The following SDCCAG8 variants were observed in gnomAD, a reference collection of about 807,000 sequenced individuals.
SDCCAG8 encodes SHH signaling and ciliogenesis regulator SDCCAG8.
Under a neutral mutation model 101.8 loss-of-function variants are expected in SDCCAG8, and 74 were observed. The ratio of observed to expected loss-of-function variants is 0.73; its 90% CI spans 0.60 to 0.88. SDCCAG8 has a LOEUF of 0.88. SDCCAG8 is among the 40% of genes least tolerant of loss of function. The pLI is 0.00. For missense variants in SDCCAG8, 787 were observed against 822.6 expected (o/e 0.96, Z 0.53); for synonymous variants, 281 against 292.9 (o/e 0.96, Z 0.41).
intron 1 of SDCCAG8, among the ~76,000 whole-genome samples, chr1:243,256,567 A>G (rs1275571562): frequency 1.3e-5 from 2 of 152,236 alleles, no homozygotes; most frequent in Non-Finnish European, 2.9e-5. Context: ...TTAATCCAAT[A>G]AAAGTCTGAT....
chr1:243,335,361 G>A (rs1044630246), intron 10 of SDCCAG8, among the ~76,000 whole-genome samples: 11 of 152,174 alleles, frequency 7.2e-5, no homozygotes, highest in Non-Finnish European at 1.6e-4. Flanking sequence ...AGAGAGAATG[G>A]TATCAATAGC....
intron 16 of SDCCAG8, among the ~76,000 whole-genome samples, chr1:243,427,039 CA>C (rs2081387158): frequency 6.6e-6 from 1 of 152,194 alleles, no homozygotes; most frequent in African/African-American, 2.4e-5. Context: ...TTACTTTGAG[CA>C]AGTCACTTAA....
At chr1:243,266,949 A>C (rs981462167) in intron 1 of SDCCAG8, among the ~76,000 whole-genome samples, 22 of 149,520 alleles carry the variant, frequency 1.5e-4, no homozygotes, top group African/African-American at 5.4e-4. Flanking sequence ...GTCTCAAAAA[A>C]AAAAAAAAAA....
chr1:243,345,498 C>G (rs1446225146), intron 12 of SDCCAG8, among the ~76,000 whole-genome samples: 2 of 152,138 alleles, frequency 1.3e-5, no homozygotes, highest in Admixed American at 1.3e-4. Flanking sequence ...ATGGAAAATG[C>G]TTTCTGTCAG....
At chr1:243,391,040 A>G (rs989528533) in intron 13 of SDCCAG8, among the ~76,000 whole-genome samples, 1 of 151,924 alleles carries the variant, frequency 6.6e-6, no homozygotes, top group African/African-American at 2.4e-5. Context: ...CTCAAGCGGA[A>G]CTCCCTCCTG....
At chr1:243,419,739 T>C (rs990749597) in intron 15 of SDCCAG8, among the ~76,000 whole-genome samples, 1 of 152,230 alleles carries the variant, frequency 6.6e-6, no homozygotes, top group Non-Finnish European at 1.5e-5. Flanking sequence ...GTATTTTACA[T>C]CTATTGCTAA....
Position 243,422,204 on chromosome 1 carries a change from C to T in SDCCAG8, c.1853+4128C>T, listed in dbSNP as rs1407296632. On this transcript the variant is annotated intron_variant, in intron 15 of 17. Transcript: ENST00000366541. ...GCTTGTGGACTGATGTCTAACACTG[C>T]CCATTGTGTATTTGTGATTTGCGTT... Among the ~76,000 whole-genome samples the T allele has an allele frequency of 1.3e-5, 2 of 152,274 alleles. 1 individual carries two copies. Among genetic ancestry groups the T allele is most frequent in the African/African-American group, 4.8e-5 (2 of 41,558 alleles).
intron 12 of SDCCAG8, among the ~76,000 whole-genome samples, chr1:243,372,690 G>GC (rs1558372583): frequency 1.3e-5 from 2 of 150,114 alleles, no homozygotes; most frequent in African/African-American, 4.9e-5. Flanking sequence ...AGCAAGAAAT[G>GC]TTTTTTTTTA....
At chr1:243,336,854 T>C (rs1269784132) in intron 10 of SDCCAG8, among the ~76,000 whole-genome samples, 1 of 152,224 alleles carries the variant, frequency 6.6e-6, no homozygotes, top group Non-Finnish European at 1.5e-5. Flanking sequence ...GGTTGTTTTC[T>C]GCTTGTTCAA....
intron 9 of SDCCAG8, among the ~76,000 whole-genome samples, chr1:243,320,381 A>G (rs2073649652): frequency 1.3e-5 from 2 of 152,152 alleles, no homozygotes; most frequent in South Asian, 4.1e-4. Context: ...CTGATTTAAA[A>G]TTCTTCGGTG....
At chr1:243,311,420 G>A (rs1313786012) in intron 8 of SDCCAG8, among the ~76,000 whole-genome samples, 3 of 152,040 alleles carry the variant, frequency 2.0e-5, no homozygotes, top group Non-Finnish European at 2.9e-5. Context: ...ATTTGAAAGT[G>A]TAAACACTAA....
chr1:243,485,189 G>A (rs1370451556), intron 16 of SDCCAG8, among the ~76,000 whole-genome samples: 2 of 152,166 alleles, frequency 1.3e-5, no homozygotes, highest in Non-Finnish European at 2.9e-5. Context: ...GAGCTTTACC[G>A]ATTACTTGTG....
chr1:243,278,413 G>T (rs183565014), intron 4 of SDCCAG8, among the ~76,000 whole-genome samples: 10 of 152,152 alleles, frequency 6.6e-5, no homozygotes, highest in Non-Finnish European at 1.2e-4. Flanking sequence ...TAGAGATGGG[G>T]TTTCACTATG....
At chr1:243,389,150 T>TC (rs373392073) in intron 13 of SDCCAG8, among the ~76,000 whole-genome samples, 12,515 of 116,054 alleles carry the variant, frequency 0.11, 475 homozygotes, top group South Asian at 0.14. Flanking sequence ...CTGTCCCCCC[T>TC]CCCCCCCCCA....
chr1:243,272,335 C>T (rs1467955527), intron 3 of SDCCAG8, among the ~76,000 whole-genome samples: 10 of 152,168 alleles, frequency 6.6e-5, no homozygotes, highest in Non-Finnish European at 1.2e-4. Context: ...CACTCCCATA[C>T]GAACACTCCA....
intron 16 of SDCCAG8, among the ~76,000 whole-genome samples, chr1:243,456,624 C>G (rs2083776586): frequency 6.6e-6 from 1 of 151,916 alleles, no homozygotes; most frequent in Admixed American, 6.6e-5. Flanking sequence ...ACCAATATGC[C>G]TAGGTTAAAG....
At chr1:243,326,147 T>A (rs1360004454) in intron 9 of SDCCAG8, among the ~76,000 whole-genome samples, 1 of 152,198 alleles carries the variant, frequency 6.6e-6, no homozygotes, top group Admixed American at 6.5e-5. Flanking sequence ...CATAACAACT[T>A]GAACAAAGTA....
At chr1:243,331,877 GGA>G (rs2074623183) in intron 10 of SDCCAG8, among the ~76,000 whole-genome samples, 4 of 81,550 alleles carry the variant, frequency 4.9e-5, no homozygotes, top group Non-Finnish European at 1.2e-4. Flanking sequence ...CAAACTCGTA[GGA>G]GAAGTAGATG....
chr1:243,371,575 T>TA (rs991676593), intron 12 of SDCCAG8, among the ~76,000 whole-genome samples: 3 of 152,150 alleles, frequency 2.0e-5, no homozygotes, highest in African/African-American at 4.8e-5. Flanking sequence ...AAGTCAGCGT[T>TA]ATGTGCAATC....
Sources: allele counts gnomAD v4.1 joint callset (sites outside exome capture counted in the v4.1 genomes callset), GRCh38; gene constraint gnomAD v4.1.1; transcripts MANE v1.5; gene names NCBI Gene and HGNC (gene_info 2026-07-23, HGNC 2026-07-21).